CCDC6: variants seen among roughly 807,000 people sequenced by gnomAD.
CCDC6 encodes coiled-coil domain containing 6.
In CCDC6, 20 loss-of-function variants were observed where a neutral mutation model predicts 56.6. The ratio of observed to expected loss-of-function variants is 0.35; its 90% CI spans 0.25 to 0.51. CCDC6 has a LOEUF of 0.51. Ranked by LOEUF, CCDC6 falls within the 20% of genes least tolerant of loss-of-function variation. The pLI is 0.95. For synonymous variants in CCDC6, 241 were observed against 234.4 expected (o/e 1.03, Z -0.26); for missense variants, 367 against 601.1 (o/e 0.61, Z 4.07).
At chr10:59,818,495 C>CGGGGG (rs10605676) in intron 3 of CCDC6, among the ~76,000 whole-genome samples, 113 of 82,962 alleles carry the variant, frequency 1.4e-3, no homozygotes, top group South Asian at 5.1e-3. Context: ...ATAATGTTGA[C>CGGGGG]GGGGGGGGGG....
intron 2 of CCDC6, among the ~76,000 whole-genome samples, chr10:59,833,172 G>C (rs1466670104): frequency 6.6e-6 from 1 of 152,212 alleles, no homozygotes; most frequent in African/African-American, 2.4e-5. Context: ...ATGTTGGCTG[G>C]TCATGGTGGC....
At chr10:59,858,400 C>G (rs2071096887) in intron 1 of CCDC6, among the ~76,000 whole-genome samples, 2 of 152,178 alleles carry the variant, frequency 1.3e-5, no homozygotes, top group Non-Finnish European at 2.9e-5. Flanking sequence ...GGGATTGGAG[C>G]AGAATCATTA....
intron 5 of CCDC6, among the ~76,000 whole-genome samples, chr10:59,810,182 G>T (rs1186742446): frequency 6.6e-6 from 1 of 152,156 alleles, no homozygotes; most frequent in East Asian, 1.9e-4. Flanking sequence ...GGAGCCACCT[G>T]CCATAGCTGC....
At chr10:59,867,957 G>A (rs1018585116) in intron 1 of CCDC6, among the ~76,000 whole-genome samples, 7 of 152,248 alleles carry the variant, frequency 4.6e-5, no homozygotes, top group East Asian at 1.9e-4. Flanking sequence ...AATCATACAT[G>A]AATTGATTGA....
chr10:59,821,106 A>G (rs1381325628), intron 3 of CCDC6, among the ~76,000 whole-genome samples: 1 of 152,236 alleles, frequency 6.6e-6, no homozygotes, highest in African/African-American at 2.4e-5. Flanking sequence ...TATTCAAAAA[A>G]TAAATCAGTC....
intron 6 of CCDC6, chr10:59,805,209 T>C (rs989729616): frequency 1.3e-5 from 2 of 152,304 alleles, no homozygotes; most frequent in African/African-American, 4.8e-5. Context: ...CGAGGAGAAA[T>C]TGCTGCTTGA....
At chr10:59,880,574 CA>C (rs2071324994) in intron 1 of CCDC6, among the ~76,000 whole-genome samples, 1 of 152,150 alleles carries the variant, frequency 6.6e-6, no homozygotes, top group African/African-American at 2.4e-5. Flanking sequence ...GATCTGGGTG[CA>C]AGTTACACAT....
At chr10:59,794,880 A>T (rs1465937016) in intron 7 of CCDC6, among the ~76,000 whole-genome samples, 1 of 152,214 alleles carries the variant, frequency 6.6e-6, no homozygotes, top group Non-Finnish European at 1.5e-5. Flanking sequence ...TCTCTTCAAC[A>T]GATGGTGTTG....
chr10:59,806,206 C>T (rs1347890183), intron 6 of CCDC6, among the ~76,000 whole-genome samples: 1 of 152,138 alleles, frequency 6.6e-6, no homozygotes, highest in Non-Finnish European at 1.5e-5. Flanking sequence ...CATCTTTTTC[C>T]ATTTATACTT....
rs2070592215 is a variant in CCDC6 at position 59,803,273 on chromosome 10, G to A, written c.1105+1147C>T. ...AGCACACTGGCCCATCGGTACAAAG[G>A]CGGCCACCCTTTGTGCTAGACTTTA... On this transcript the variant is annotated intron_variant, in intron 7 of 8. Coordinates refer to ENST00000263102, the MANE Select transcript of CCDC6 (RefSeq NM_005436.5). 2.6e-5 allele frequency among the ~76,000 whole-genome samples: 4 copies of A among 151,950 alleles called. No homozygotes were observed. The South Asian group carries it at 8.3e-4, about 32-fold the overall frequency.
intron 1 of CCDC6, among the ~76,000 whole-genome samples, chr10:59,857,357 T>G (rs890418175): frequency 2.0e-5 from 3 of 152,224 alleles, no homozygotes; most frequent in Admixed American, 6.5e-5. Flanking sequence ...ACTGCTACCA[T>G]GAACTGAGCA....
At chr10:59,880,186 C>G (rs747998669) in intron 1 of CCDC6, among the ~76,000 whole-genome samples, 35 of 152,058 alleles carry the variant, frequency 2.3e-4, no homozygotes, top group Non-Finnish European at 4.6e-4. Context: ...GTAGCTTTTT[C>G]TTCTAATGCT....
At chr10:59,853,097 T>A (rs1427871595) in intron 1 of CCDC6, among the ~76,000 whole-genome samples, 1 of 150,664 alleles carries the variant, frequency 6.6e-6, no homozygotes, top group Non-Finnish European at 1.5e-5. Context: ...CTCTCACAGG[T>A]TGCTACATCT....
chr10:59,857,550 C>A (rs947300083), intron 1 of CCDC6, among the ~76,000 whole-genome samples: 1 of 152,172 alleles, frequency 6.6e-6, no homozygotes, highest in African/African-American at 2.4e-5. Flanking sequence ...AATTCATAAT[C>A]TATTAAGCAT....
At chr10:59,839,866 G>A (rs564105581) in intron 2 of CCDC6, among the ~76,000 whole-genome samples, 5 of 152,056 alleles carry the variant, frequency 3.3e-5, no homozygotes, top group East Asian at 3.9e-4. Context: ...TCACTCTGTC[G>A]CCAGGCTGTA....
At chr10:59,882,074 G>GCA (rs2071343483) in intron 1 of CCDC6, among the ~76,000 whole-genome samples, 1 of 136,078 alleles carries the variant, frequency 7.3e-6, no homozygotes, top group Non-Finnish European at 1.6e-5. Context: ...GAAAGCCGCG[G>GCA]GGAGAAGGAA....
At chr10:59,897,578 T>G (rs2071473228) in intron 1 of CCDC6, among the ~76,000 whole-genome samples, 2 of 152,102 alleles carry the variant, frequency 1.3e-5, no homozygotes, top group South Asian at 4.1e-4. Context: ...TTTTAAAAAG[T>G]CAAGCTTGCA....
At chr10:59,846,007 T>A (rs2070988084) in intron 2 of CCDC6, among the ~76,000 whole-genome samples, 2 of 152,190 alleles carry the variant, frequency 1.3e-5, no homozygotes, top group Admixed American at 1.3e-4. Context: ...ACTTAGTGGC[T>A]TCGGAAACTT....
intron 1 of CCDC6, among the ~76,000 whole-genome samples, chr10:59,879,604 T>C (rs1298260405): frequency 6.6e-6 from 1 of 152,000 alleles, no homozygotes; most frequent in African/African-American, 2.4e-5. Flanking sequence ...CTCGGCAAAA[T>C]TGAGTAACCA....
Sources: gnomAD v4.1 joint callset for allele counts (sites outside exome capture counted in the v4.1 genomes callset) on GRCh38, gnomAD v4.1.1 for gene constraint, MANE v1.5 for transcripts, NCBI Gene and HGNC (gene_info 2026-07-23, HGNC 2026-07-21) for gene names.